Variants in TOP1MT observed in about 807,000 individuals in gnomAD.
TOP1MT encodes DNA topoisomerase I, mitochondrial.
Under a neutral mutation model 73.9 loss-of-function variants are expected in TOP1MT, and 80 were observed. The ratio of observed to expected loss-of-function variants is 1.08; its 90% CI spans 0.90 to 1.30. The LOEUF (loss-of-function observed/expected upper bound fraction) is 1.30, where lower values mean the gene tolerates loss of function less well. Ranked by LOEUF, TOP1MT falls within the 50% of genes most tolerant of loss-of-function variation. The pLI is 0.00. For missense variants in TOP1MT, 815 were observed against 808.0 expected, an observed-to-expected ratio of 1.01 and a Z score of -0.10; for synonymous variants, 338 against 326.4, an observed-to-expected ratio of 1.04 and a Z score of -0.38.
chr8:143,322,909 C>CGG (rs1816539228), intron 7 of TOP1MT, among the ~76,000 whole-genome samples: 1 of 79,770 alleles, frequency 1.3e-5, no homozygotes, highest in Non-Finnish European at 2.8e-5. Context: ...ACGCCACACA[C>CGG]GCACGCCACA....
At chr8:143,334,702 C>G (rs999377758) in intron 1 of TOP1MT, 38 bp downstream of exon 1, 4 of 1,596,764 alleles carry the variant, frequency 2.5e-6, no homozygotes, top group Non-Finnish European at 3.4e-6. Context: ...AAGCCCGGTG[C>G]TCAGGGCCCT....
chr8:143,318,123 A>T (rs1816228386), intron 8 of TOP1MT, 37 bp from the exon 9 acceptor site: 1 of 1,604,788 alleles, frequency 6.2e-7, no homozygotes, highest in African/African-American at 1.3e-5. Context: ...GGACAGAAAA[A>T]ACCCGAATCC....
chr8:143,322,356 C>T (rs1816461572), intron 7 of TOP1MT, among the ~76,000 whole-genome samples: 1 of 99,652 alleles, frequency 1.0e-5, no homozygotes, highest in Non-Finnish European at 2.2e-5. Flanking sequence ...GCCACACACG[C>T]ACGCCACACA....
chr8:143,319,313 G>C (rs1173107992), intron 8 of TOP1MT, among the ~76,000 whole-genome samples: 1 of 150,572 alleles, frequency 6.6e-6, no homozygotes, highest in Non-Finnish European at 1.5e-5. Flanking sequence ...TTAATTTTTA[G>C]AGACTAGGTC....
At chr8:143,347,730 AGCG>A (rs1817252410), upstream of TOP1MT, among the ~76,000 whole-genome samples, 1 of 151,708 alleles carries the variant, frequency 6.6e-6, no homozygotes, top group Non-Finnish European at 1.5e-5. Flanking sequence ...CCAGCCAGCC[AGCG>A]GGGAAGAGTT....
chr8:143,355,116 T>C (rs2467946), intron 1 of TOP1MT, among the ~76,000 whole-genome samples: 17,242 of 152,004 alleles, frequency 0.11, 3,315 homozygotes, highest in African/African-American at 0.39. Flanking sequence ...GGCAGGAGAG[T>C]GCGGAAGCGG....
chr8:143,323,584 G>A (rs201009152), intron 7 of TOP1MT, among the ~76,000 whole-genome samples: 1 of 29,616 alleles, frequency 3.4e-5, no homozygotes, highest in Non-Finnish European at 6.6e-5. Context: ...ACACACACAG[G>A]CACGCCACAC....
intron 12 of TOP1MT, among the ~76,000 whole-genome samples, chr8:143,312,787 C>G (rs79178051): frequency 0.016 from 2,429 of 152,292 alleles, 73 homozygotes; most frequent in African/African-American, 0.055. Flanking sequence ...ACAATATGGC[C>G]TTTATAGATA....
intron 1 of TOP1MT, among the ~76,000 whole-genome samples, 172 bp downstream of exon 1, chr8:143,334,568 C>T (rs1240879120): frequency 6.6e-6 from 1 of 152,238 alleles, no homozygotes; most frequent in Non-Finnish European, 1.5e-5. Context: ...GCCTGTACAC[C>T]CCGGGCAGGA....
At chr8:143,335,939 T>C (rs535064195), upstream of TOP1MT, among the ~76,000 whole-genome samples, 5 of 152,254 alleles carry the variant, frequency 3.3e-5, no homozygotes, top group South Asian at 8.3e-4. Flanking sequence ...GTCCCATCAT[T>C]TCAGAATGAG....
chr8:143,334,852 C>T lies in TOP1MT; in HGVS notation c.10G>A (p.Val4Met). ...GCCGCCCGGAGCCGCAGCAGCCGCACCACGCGCATCTGCCAGCCTCCGGGA... is the reference window on the plus strand; with the variant it reads ...GCCGCCCGGAGCCGCAGCAGCCGCATCACGCGCATCTGCCAGCCTCCGGGA... MRV[V>M]RLLRLRAALT... The change falls in exon 1 of 14, where the codon GTG becomes ATG. Residue 4 changes from valine to methionine, a missense_variant. Physicochemically the swap from Val to Met is conservative, Grantham distance 21 (BLOSUM62 1). This residue lies in a region of TOP1MT where 60 missense variants were observed against 65.9 expected (regional missense o/e 0.91). Coordinates refer to ENST00000329245, the MANE Select transcript of TOP1MT (RefSeq NM_052963.3). 1 of 1,502,146 alleles carries T rather than the reference C, an allele frequency of 6.7e-7. No homozygotes were observed. The allele number at this position is 1,502,146 out of a possible 1,614,324, so 93.1% of individuals were successfully genotyped here.
chr8:143,315,560 C>G (rs1006182198), intron 12 of TOP1MT, among the ~76,000 whole-genome samples, 167 bp downstream of exon 12: 6 of 152,198 alleles, frequency 3.9e-5, no homozygotes, highest in Non-Finnish European at 7.3e-5. Context: ...GTCCCCCGGG[C>G]CCAGCTGTCC....
intron 4 of TOP1MT, among the ~76,000 whole-genome samples, 180 bp from the exon 5 acceptor site, chr8:143,325,713 G>A (rs1420661333): frequency 6.6e-6 from 1 of 152,178 alleles, no homozygotes; most frequent in African/African-American, 2.4e-5. Flanking sequence ...CTTGCAGGGG[G>A]CACCGAGAGC....
chr8:143,322,373 C>T (rs1387364963), intron 7 of TOP1MT, among the ~76,000 whole-genome samples: 2 of 105,408 alleles, frequency 1.9e-5, no homozygotes, highest in Admixed American at 1.1e-4. Context: ...CACACACAGG[C>T]ACGCCACACA....
chr8:143,329,534 T>G, intron 2 of TOP1MT, 63 bp from the exon 3 acceptor site: 1 of 1,572,164 alleles, frequency 6.4e-7, no homozygotes, highest in Non-Finnish European at 8.6e-7. Context: ...CCAGCTGACA[T>G]GACCTCATTG....
rs1166753168 is a variant in TOP1MT, at chr8:143,341,601, C to A, written c.29+1619G>T. Reference sequence around the variant, plus strand: ...CTTTTAACTCAGCTTTGGAAAATGGCCTCTTGATCTCAGCCCTTGTGGCCT... The same window carrying A: ...CTTTTAACTCAGCTTTGGAAAATGGACTCTTGATCTCAGCCCTTGTGGCCT... On this transcript the variant is annotated intron_variant, in intron 2 of 5. Coordinates refer to the TOP1MT transcript ENST00000518007. The surrounding 1 kb of genome is among the most constrained non-coding windows in gnomAD (Gnocchi z 4.1). 1.3e-5 allele frequency among the ~76,000 whole-genome samples: 2 copies of A among 152,242 alleles called. No homozygotes were observed. Among genetic ancestry groups the A allele is most frequent in the African/African-American group, 4.8e-5 (2 of 41,474 alleles).
chr8:143,321,458 C>G (rs62524730), intron 7 of TOP1MT, 72 bp from the exon 8 acceptor site: 3 of 1,016,142 alleles, frequency 3.0e-6, no homozygotes, highest in East Asian at 2.8e-5. Flanking sequence ...GCCACACACA[C>G]GCACGCCACA....
chr8:143,335,642 G>A (rs541430544), upstream of TOP1MT, among the ~76,000 whole-genome samples: 2 of 152,352 alleles, frequency 1.3e-5, no homozygotes, highest in African/African-American at 4.8e-5. Flanking sequence ...AGGCCACACC[G>A]CTCACCTCTG....
At chr8:143,351,191 G>A (rs763619470) in intron 1 of TOP1MT, among the ~76,000 whole-genome samples, 17 of 152,242 alleles carry the variant, frequency 1.1e-4, no homozygotes, top group Non-Finnish European at 2.1e-4. Context: ...ATTTGGAGTT[G>A]AGCTCAATCT....
Sources: gnomAD v4.1 joint callset for allele counts (sites outside exome capture counted in the v4.1 genomes callset) on GRCh38, gnomAD v4.1.1 for gene constraint, gnomAD v4.1.1 regional missense constraint, Gnocchi (gnomAD v3.1) non-coding constraint, MANE v1.5 for transcripts, NCBI Gene and HGNC (gene_info 2026-07-23, HGNC 2026-07-21) for gene names.